Variants in PCDHGA3 observed in about 807,000 individuals in gnomAD.
The protein encoded by PCDHGA3 is protocadherin gamma subfamily A, 3, also known as protocadherin gamma-A3.
Under a neutral mutation model 58.5 loss-of-function variants are expected in PCDHGA3, and 40 were observed. That is an observed-to-expected ratio of 0.68 (90% CI 0.53 to 0.89). The LOEUF (loss-of-function observed/expected upper bound fraction) is 0.89, where lower values mean the gene tolerates loss of function less well. Ranked by LOEUF, PCDHGA3 falls within the 40% of genes least tolerant of loss-of-function variation. The pLI is 0.00. For missense variants in PCDHGA3, 1,223 were observed against 1,195.9 expected (o/e 1.02, Z -0.33); for synonymous variants, 530 against 525.7 (o/e 1.01, Z -0.11).
In PCDHGA3 at chr5:141,438,615, TATATATATATATATATATATACACAC is replaced by T. The variant is rs1337184558; in HGVS notation, c.2425-56190_2425-56165del. ...ACATATATATATATATATATATATATATATATATATATATATATATACACACACACACACACATATATGTATATATA... is the reference window on the plus strand; with the variant it reads ...ACATATATATATATATATATATATATACACACACACATATATGTATATATA... On this transcript the variant is annotated intron_variant, in intron 1 of 3. Coordinates refer to ENST00000253812, the MANE Select transcript of PCDHGA3 (RefSeq NM_018916.4). 3.6e-3 allele frequency among the ~76,000 whole-genome samples: 130 copies of T among 35,912 alleles called. 2 individuals are homozygous for T. Among genetic ancestry groups the T allele is most frequent in the African/African-American group, 0.022 (107 of 4,918 alleles). The allele number at this position is 35,912 out of a possible 152,430, so 23.6% of individuals were successfully genotyped here.
intron 1 of PCDHGA3, chr5:141,361,665 G>C: frequency 1.2e-6 from 2 of 1,613,696 alleles, no homozygotes; most frequent in Non-Finnish European, 1.7e-6. Context: ...TGAGCGCGCA[G>C]AGCGGGGTGG....
Position 141,393,710 on chromosome 5 carries a change from G to T in PCDHGA3, c.2424+47253G>T, listed in dbSNP as rs143738602. On this transcript the variant is annotated intron_variant, in intron 1 of 3. Transcript: ENST00000253812. Reference sequence around the variant, plus strand: ...TATTCCAGCTTAATGAAAATACTGGGGAAATATCAATAGCAAAAAGTCTAG... The same window carrying T: ...TATTCCAGCTTAATGAAAATACTGGTGAAATATCAATAGCAAAAAGTCTAG... 837 of 1,613,794 alleles carry T rather than the reference G, an allele frequency of 5.2e-4. 2 individuals carry two copies. In the African/African-American group the frequency reaches 1.0e-2, roughly 19 times the overall value.
rs118021618 is a variant in PCDHGA3, at chr5:141,382,926, C to T, written c.2424+36469C>T. On this transcript the variant is annotated intron_variant, in intron 1 of 3. Transcript: ENST00000253812. ...TGGCGGCTCAGCCGAGGGGCGGGGA[C>T]TACAGAGGATTCTTCCTGCTCTCCA... 1,227 of 1,577,740 alleles carry T rather than the reference C, an allele frequency of 7.8e-4. 19 individuals carry two copies. The East Asian group carries it at 0.025, about 33-fold the overall frequency.
intron 1 of PCDHGA3, chr5:141,408,367 G>T: frequency 6.2e-7 from 1 of 1,613,998 alleles, no homozygotes; most frequent in Non-Finnish European, 8.5e-7. Context: ...AGGATCTAGG[G>T]CTCAGTGTCC....
chr5:141,355,294 C>G, intron 1 of PCDHGA3: 1 of 1,613,896 alleles, frequency 6.2e-7, no homozygotes, highest in Non-Finnish European at 8.5e-7. Flanking sequence ...CGAACAGATT[C>G]TCTACTCGGT....
intron 1 of PCDHGA3, among the ~76,000 whole-genome samples, chr5:141,402,680 TATA>T (rs1441272447): frequency 2.4e-4 from 36 of 152,348 alleles, no homozygotes; most frequent in African/African-American, 7.9e-4. Context: ...AGCCATCTGA[TATA>T]ATGTTACACA....
At chr5:141,501,206 A>G (rs977574347) in intron 2 of PCDHGA3, among the ~76,000 whole-genome samples, 22 of 151,674 alleles carry the variant, frequency 1.5e-4, no homozygotes, top group African/African-American at 5.3e-4. Context: ...GGGTGTTGTC[A>G]GGGTGACTTC....
intron 1 of PCDHGA3, chr5:141,413,419 A>C: frequency 6.2e-7 from 1 of 1,614,084 alleles, no homozygotes; most frequent in Non-Finnish European, 8.5e-7. Context: ...TTTCTCTCTG[A>C]ACCCGCGCAG....
chr5:141,383,970 T>A (rs754557705), intron 1 of PCDHGA3: 1 of 1,613,730 alleles, frequency 6.2e-7, no homozygotes, highest in Admixed American at 1.7e-5. Context: ...GCTCAATCCC[T>A]GAAGACACAC....
At chr5:141,415,306 T>G (rs2095852502) in intron 1 of PCDHGA3, 2 of 1,614,222 alleles carry the variant, frequency 1.2e-6, no homozygotes, top group Non-Finnish European at 8.5e-7. Context: ...CTTCCTGGCC[T>G]TCGTCATCGT....
At chr5:141,383,565 A>G (rs1306554654) in intron 1 of PCDHGA3, 5 of 1,613,204 alleles carry the variant, frequency 3.1e-6, no homozygotes, top group Non-Finnish European at 4.2e-6. Flanking sequence ...ACCCGCCCCG[A>G]TCCAGCACCG....
chr5:141,384,753 G>A, intron 1 of PCDHGA3: 2 of 1,614,010 alleles, frequency 1.2e-6, no homozygotes, highest in Non-Finnish European at 1.7e-6. Flanking sequence ...GACTCTTTGC[G>A]GTTGGGCTGT....
In PCDHGA3 at chr5:141,487,227, G is replaced by A. The variant is rs763361726; in HGVS notation, c.2425-7580G>A. The A allele has an allele frequency of 6.2e-7, 1 of 1,614,070 alleles. No individual in the cohort carries two copies. Among genetic ancestry groups the A allele is most frequent in the Non-Finnish European group, 8.5e-7 (1 of 1,179,952 alleles). On this transcript the variant is annotated intron_variant, in intron 1 of 3. Transcript: ENST00000253812. The surrounding 1 kb of genome is among the most constrained non-coding windows in gnomAD (Gnocchi z 5.0). The stretch of plus-strand genomic sequence containing the variant: ...CGAGAATCTTCAGCTCCAAGGGAAG[G>A]AGAATCTCGTCTAACCCTCTACTTG...
rs766227340 is a variant in PCDHGA3, at chr5:141,476,791, C to T, written c.2425-18016C>T. On this transcript the variant is annotated intron_variant, in intron 1 of 3. Transcript: ENST00000253812. The surrounding 1 kb of genome is among the most constrained non-coding windows in gnomAD (Gnocchi z 7.6). ...TGGACGGAGGGACCCCAGCTCTCTCCGCCAGCCTGCCTATTCACATCAAGG... is the reference window on the plus strand; with the variant it reads ...TGGACGGAGGGACCCCAGCTCTCTCTGCCAGCCTGCCTATTCACATCAAGG... 5.6e-6 allele frequency: 9 copies of T among 1,613,394 alleles called. No homozygotes were observed. Among genetic ancestry groups the T allele is most frequent in the Middle Eastern group, 1.6e-4 (1 of 6,084 alleles).
At chr5:141,507,852 T>C (rs556569001) in intron 3 of PCDHGA3, among the ~76,000 whole-genome samples, 25 of 152,118 alleles carry the variant, frequency 1.6e-4, no homozygotes, top group Non-Finnish European at 2.6e-4. Context: ...CTGCTCTCAC[T>C]TTCACACCCG....
chr5:141,419,454 T>A (rs1191326733), intron 1 of PCDHGA3: 1 of 1,612,786 alleles, frequency 6.2e-7, no homozygotes, highest in Non-Finnish European at 8.5e-7. Flanking sequence ...GAGCTCACGC[T>A]GCAGGCCCGC....
chr5:141,362,685 C>T, intron 1 of PCDHGA3: 1 of 1,139,308 alleles, frequency 8.8e-7, no homozygotes, highest in East Asian at 2.6e-5. Context: ...TTGTCTTAAT[C>T]TTATCTAACT....
chr5:141,347,838 G>A (rs957524959), intron 1 of PCDHGA3, among the ~76,000 whole-genome samples: 7 of 151,630 alleles, frequency 4.6e-5, no homozygotes, highest in Non-Finnish European at 1.0e-4. Flanking sequence ...TATAGTGCCT[G>A]TTACATATGC....
chr5:141,351,191 T>C, intron 1 of PCDHGA3: 1 of 1,614,014 alleles, frequency 6.2e-7, no homozygotes, highest in Non-Finnish European at 8.5e-7. Context: ...GACAAGTAGA[T>C]ATGTGTTGAG....
Sources: allele counts gnomAD v4.1 joint callset (sites outside exome capture counted in the v4.1 genomes callset), GRCh38; gene constraint gnomAD v4.1.1; non-coding constraint Gnocchi (gnomAD v3.1); transcripts MANE v1.5; gene names NCBI Gene and HGNC (gene_info 2026-07-23, HGNC 2026-07-21).